The following NBDY variants were observed in gnomAD, a reference collection of about 807,000 sequenced individuals.
NBDY encodes the protein negative regulator of P-body association.
chrX:56,813,079 C>T (rs895130772), intron 2 of NBDY, among the ~76,000 whole-genome samples: 9 of 110,844 alleles, frequency 8.1e-5, no homozygotes, highest in African/African-American at 2.6e-4. Flanking sequence ...TAGAGATATA[C>T]CTAATGTGAA....
chrX:56,790,558 G>A (rs959246102), intron 2 of NBDY, among the ~76,000 whole-genome samples: 3 of 112,351 alleles, frequency 2.7e-5, no homozygotes, highest in Middle Eastern at 4.6e-3. Context: ...GGGCACCTCC[G>A]GCCCTGCCTA....
chrX:56,799,781 G>C (rs1473825481), intron 2 of NBDY, among the ~76,000 whole-genome samples: 2 of 112,407 alleles, frequency 1.8e-5, no homozygotes, highest in Non-Finnish European at 3.8e-5. Flanking sequence ...AAGAAACAAA[G>C]AAACTGCCCA....
intron 2 of NBDY, among the ~76,000 whole-genome samples, chrX:56,756,036 T>TGC (rs1399351271): frequency 9.6e-6 from 1 of 104,324 alleles, no homozygotes; most frequent in Non-Finnish European, 1.9e-5. Context: ...TAAACTATCA[T>TGC]AAGGACAAAA....
chrX:56,749,635 A>AG (rs1328220914), intron 2 of NBDY, among the ~76,000 whole-genome samples: 6 of 91,234 alleles, frequency 6.6e-5, no homozygotes, highest in Non-Finnish European at 1.3e-4. Context: ...TAGTGTTGTC[A>AG]TGTCCCCACA....
At chrX:56,802,134 G>A (rs993869305) in intron 2 of NBDY, among the ~76,000 whole-genome samples, 8 of 111,578 alleles carry the variant, frequency 7.2e-5, no homozygotes, top group African/African-American at 2.0e-4. Context: ...GCTCTCAGTC[G>A]GCCACAGGCA....
At chrX:56,731,115 A>G (rs1279753039) in intron 1 of NBDY, among the ~76,000 whole-genome samples, 1 of 106,892 alleles carries the variant, frequency 9.4e-6, no homozygotes, top group African/African-American at 3.7e-5. Flanking sequence ...TTTGGTGGTA[A>G]TGCATAGAAA....
At chrX:56,783,300 G>A (rs779111880) in intron 2 of NBDY, among the ~76,000 whole-genome samples, 3 of 113,009 alleles carry the variant, frequency 2.7e-5, no homozygotes, top group East Asian at 2.8e-4. Context: ...GGCATGAGTC[G>A]CCCAACACTC....
chrX:56,737,002 A>G (rs1161038675), intron 2 of NBDY, among the ~76,000 whole-genome samples: 1 of 111,904 alleles, frequency 8.9e-6, no homozygotes, highest in Non-Finnish European at 1.9e-5. Flanking sequence ...AAACTGATAA[A>G]GTGGCCTCTG....
chrX:56,817,487 G>A lies in NBDY; in HGVS notation c.*334G>A, dbSNP rs934586685. On this transcript the variant is annotated 3_prime_UTR_variant, in exon 3 of 3. Coordinates refer to ENST00000374922, the MANE Select transcript of NBDY (RefSeq NM_001348129.2). ...GATGGTCCTGCAGCAGCCAACCAGT[G>A]AACTCTTTTGGTGACATCCTGTTCT... 1 of 111,776 alleles carries A rather than the reference G, an allele frequency of 8.9e-6. No individual in the cohort carries two copies. Among genetic ancestry groups the A allele is most frequent in the Non-Finnish European group, 1.9e-5 (1 of 53,203 alleles). The allele number at this position is 111,776 out of a possible 1,213,427, so 9.2% of individuals were successfully genotyped here.
chrX:56,752,862 C>T (rs766769533), intron 2 of NBDY, among the ~76,000 whole-genome samples: 13 of 111,398 alleles, frequency 1.2e-4, no homozygotes, highest in Non-Finnish European at 2.1e-4. Context: ...CCACCTGCCT[C>T]GGCCTCCCAA....
intron 2 of NBDY, among the ~76,000 whole-genome samples, chrX:56,813,574 G>A (rs927780783): frequency 2.7e-5 from 3 of 111,327 alleles, no homozygotes; most frequent in African/African-American, 9.8e-5. Flanking sequence ...ACGGGCACAA[G>A]GGTGTGGGCC....
chrX:56,733,405 T>C (rs1295567004), intron 2 of NBDY, among the ~76,000 whole-genome samples: 1 of 111,381 alleles, frequency 9.0e-6, no homozygotes, highest in African/African-American at 3.3e-5. Context: ...GGAAATATGG[T>C]CATAACTGAT....
At chrX:56,793,509 A>G (rs2069774875) in intron 2 of NBDY, among the ~76,000 whole-genome samples, 1 of 108,364 alleles carries the variant, frequency 9.2e-6, no homozygotes, top group Non-Finnish European at 1.9e-5. Context: ...CTTCCTCTTT[A>G]CTTTTTTCAC....
rs752617074 is a variant in NBDY at position 56,812,368 on chromosome X, C to T, written c.*167-4952C>T. Among the ~76,000 whole-genome samples, 6 of 110,233 alleles carry T rather than the reference C, an allele frequency of 5.4e-5. No homozygotes were observed. The South Asian group carries it at 1.2e-3, about 22-fold the overall frequency. On this transcript the variant is annotated intron_variant, in intron 2 of 2. Transcript: ENST00000374922. Reference sequence around the variant, plus strand: ...GACCCCTGAAGTGCATAATCAGAATCCCCCTCCTCTTTCTGCCCTCCCTAT... The same window carrying T: ...GACCCCTGAAGTGCATAATCAGAATTCCCCTCCTCTTTCTGCCCTCCCTAT...
chrX:56,810,937 T>C (rs2069883066), intron 2 of NBDY: 1 of 111,580 alleles, frequency 9.0e-6, no homozygotes, highest in Non-Finnish European at 1.9e-5. Flanking sequence ...AGGTCTCTGA[T>C]TGGATGTTCT....
intron 2 of NBDY, among the ~76,000 whole-genome samples, chrX:56,788,064 G>A (rs1044388143): frequency 1.4e-4 from 16 of 111,913 alleles, no homozygotes; most frequent in Non-Finnish European, 1.3e-4. Flanking sequence ...CTGCACCTGC[G>A]GGAGCCATGA....
intron 2 of NBDY, among the ~76,000 whole-genome samples, chrX:56,788,012 T>C (rs763471150): frequency 8.9e-6 from 1 of 112,568 alleles, no homozygotes; most frequent in East Asian, 2.8e-4. Context: ...CCTCCTGTGG[T>C]TTCCCAGAGG....
chrX:56,750,466 A>AC (rs2069578915), intron 2 of NBDY, among the ~76,000 whole-genome samples: 3 of 63,180 alleles, frequency 4.7e-5, no homozygotes, highest in Non-Finnish European at 1.4e-4. Context: ...CCTGGGTTAA[A>AC]TAAAAAAAAT....
chrX:56,745,934 T>C (rs1307699259), intron 2 of NBDY, among the ~76,000 whole-genome samples: 1 of 111,697 alleles, frequency 9.0e-6, no homozygotes, highest in African/African-American at 3.3e-5. Context: ...ATAGATACCT[T>C]TGGGGATTTT....
Sources: allele counts gnomAD v4.1 joint callset (sites outside exome capture counted in the v4.1 genomes callset), GRCh38; gene constraint gnomAD v4.1.1; transcripts MANE v1.5; gene names NCBI Gene and HGNC (gene_info 2026-07-23, HGNC 2026-07-21).